The following CDH18 variants were observed in gnomAD, a reference collection of about 807,000 sequenced individuals.
CDH18 encodes cadherin-18.
Under a neutral mutation model 67.9 loss-of-function variants are expected in CDH18, and 31 were observed. That is an observed-to-expected ratio of 0.46 (90% CI 0.34 to 0.62). CDH18 has a LOEUF of 0.62. Ranked by LOEUF, CDH18 falls within the 20% of genes least tolerant of loss-of-function variation. CDH18 has a pLI of 0.01. For missense variants in CDH18, 890 were observed against 975.5 expected, an observed-to-expected ratio of 0.91 and a Z score of 1.17; for synonymous variants, 362 against 347.2, an observed-to-expected ratio of 1.04 and a Z score of -0.48.
chr5:19,805,359 C>T (rs903376515), intron 3 of CDH18, among the ~76,000 whole-genome samples: 8 of 152,158 alleles, frequency 5.3e-5, no homozygotes, highest in East Asian at 1.9e-4. Flanking sequence ...CTTGATTCTA[C>T]GCCCTCTGCA....
intron 1 of CDH18, among the ~76,000 whole-genome samples, chr5:20,306,878 AT>A (rs1736508850): frequency 2.0e-5 from 1 of 50,964 alleles, no homozygotes; most frequent in Admixed American, 1.5e-4. Context: ...ACATGTGATA[AT>A]TTATTATGGT....
chr5:19,606,761 G>A (rs1748109698), intron 6 of CDH18, among the ~76,000 whole-genome samples: 2 of 151,656 alleles, frequency 1.3e-5, no homozygotes, highest in Admixed American at 6.6e-5. Context: ...AAATGAGGTC[G>A]AAGAAATACT....
intron 1 of CDH18, among the ~76,000 whole-genome samples, chr5:20,324,180 G>A (rs1010430163): frequency 6.6e-6 from 1 of 152,198 alleles, no homozygotes; most frequent in African/African-American, 2.4e-5. Context: ...TCAGTGTGCA[G>A]TTGTGGATTT....
chr5:20,127,208 CTCTT>C (rs1333301806), intron 2 of CDH18, among the ~76,000 whole-genome samples: 17 of 152,124 alleles, frequency 1.1e-4, no homozygotes, highest in Non-Finnish European at 1.5e-4. Context: ...TCCCCCTTTT[CTCTT>C]TCTCTCTCTC....
intron 2 of CDH18, among the ~76,000 whole-genome samples, chr5:20,170,930 T>G (rs1489346420): frequency 6.6e-6 from 1 of 152,074 alleles, no homozygotes; most frequent in Non-Finnish European, 1.5e-5. Context: ...ATCATTTAGC[T>G]CCCACTTATA....
At chr5:19,662,637 C>T (rs1018707635) in intron 5 of CDH18, among the ~76,000 whole-genome samples, 1 of 151,962 alleles carries the variant, frequency 6.6e-6, no homozygotes, top group Admixed American at 6.6e-5. Flanking sequence ...TAATAACAAT[C>T]TGATGAGCCA....
At chr5:20,513,599 A>G (rs976627950) in intron 1 of CDH18, among the ~76,000 whole-genome samples, 7 of 152,176 alleles carry the variant, frequency 4.6e-5, no homozygotes, top group Admixed American at 1.3e-4. Context: ...ACATGTAGGC[A>G]GAAATGTCCA....
In CDH18 at chr5:20,455,147, A is replaced by T. The variant is rs897096392; in HGVS notation, c.-580+120315T>A. Among the ~76,000 whole-genome samples, 10 of 152,190 alleles carry T rather than the reference A, an allele frequency of 6.6e-5. No homozygotes were observed. In the East Asian group the frequency reaches 1.9e-3, roughly 29 times the overall value. On this transcript the variant is annotated intron_variant, in intron 1 of 14. Coordinates refer to the CDH18 transcript ENST00000507958. ...ATGACTGGCTCATGGTAGGCTCAAT[A>T]AATATCCAGTGTCATAATTGAATCA...
intron 5 of CDH18, among the ~76,000 whole-genome samples, chr5:19,690,866 A>C (rs903232982): frequency 2.0e-5 from 3 of 151,746 alleles, no homozygotes; most frequent in African/African-American, 7.2e-5. Flanking sequence ...ACAACATCAA[A>C]ATTCCTCAAA....
chr5:19,689,631 A>C (rs1312360321), intron 5 of CDH18, among the ~76,000 whole-genome samples: 1 of 151,976 alleles, frequency 6.6e-6, no homozygotes, highest in Non-Finnish European at 1.5e-5. Flanking sequence ...AATGAGGAAG[A>C]GAAAGAACTC....
At chr5:19,581,509 G>T (rs1028774215) in intron 7 of CDH18, among the ~76,000 whole-genome samples, 4 of 151,872 alleles carry the variant, frequency 2.6e-5, no homozygotes, top group Non-Finnish European at 5.9e-5. Context: ...TATTGAAAAT[G>T]CTGTTTAGCC....
chr5:20,008,036 G>T (rs572680213), intron 2 of CDH18, among the ~76,000 whole-genome samples: 1 of 151,978 alleles, frequency 6.6e-6, no homozygotes, highest in South Asian at 2.1e-4. Context: ...ACATATTCTG[G>T]GAGTTTCTCA....
At chr5:20,388,133 G>C (rs1320221830) in intron 1 of CDH18, among the ~76,000 whole-genome samples, 2 of 152,188 alleles carry the variant, frequency 1.3e-5, no homozygotes, top group Non-Finnish European at 2.9e-5. Context: ...AATAGTGTCA[G>C]AAGGAATGGC....
rs760777430 is a variant in CDH18, at chr5:19,994,855, T to TATAGAGAGAGAGAGAGAGAGAGAGAG, written c.-517-2842_-517-2841insCTCTCTCTCTCTCTCTCTCTCTCTAT. Among the ~76,000 whole-genome samples, 13 of 67,586 alleles carry TATAGAGAGAGAGAGAGAGAGAGAGAG rather than the reference T, an allele frequency of 1.9e-4. 4 individuals are homozygous for TATAGAGAGAGAGAGAGAGAGAGAGAG. Among genetic ancestry groups the TATAGAGAGAGAGAGAGAGAGAGAGAG allele is most frequent in the African/African-American group, 4.4e-4 (6 of 13,586 alleles). 44.3% of individuals were successfully genotyped at this position (67,586 alleles called of 152,430 possible). On this transcript the variant is annotated intron_variant, in intron 2 of 14. Transcript: ENST00000507958. ...ATATATATATATATATATATATATATAGAGAGAGAGAGAGAGAGAGAGATG... is the reference window on the plus strand; with the variant it reads ...ATATATATATATATATATATATATATATAGAGAGAGAGAGAGAGAGAGAGAGAGAGAGAGAGAGAGAGAGAGAGATG...
intron 1 of CDH18, among the ~76,000 whole-genome samples, chr5:20,272,686 C>T (rs531184029): frequency 7.6e-4 from 116 of 152,058 alleles, no homozygotes; most frequent in Admixed American, 1.6e-3. Flanking sequence ...ACAAATAGCA[C>T]TAGCTCTGTT....
intron 1 of CDH18, among the ~76,000 whole-genome samples, chr5:20,428,018 G>T (rs111850192): frequency 0.047 from 7,030 of 150,758 alleles, 934 homozygotes; most frequent in African/African-American, 0.17. Context: ...ATGGTGGTTT[G>T]CTACACCTAT....
At chr5:20,540,922 A>C (rs1581172755) in intron 1 of CDH18, among the ~76,000 whole-genome samples, 1 of 152,294 alleles carries the variant, frequency 6.6e-6, no homozygotes, top group African/African-American at 2.4e-5. Context: ...TATATTGCCC[A>C]CTAGAGCCTC....
At chr5:19,725,068 A>G (rs1218600224) in intron 4 of CDH18, among the ~76,000 whole-genome samples, 1 of 151,864 alleles carries the variant, frequency 6.6e-6, no homozygotes, top group African/African-American at 2.4e-5. Flanking sequence ...CTGGGACTAC[A>G]GGCGCCCGCC....
intron 2 of CDH18, among the ~76,000 whole-genome samples, chr5:20,245,753 G>A (rs1186227206): frequency 6.6e-6 from 1 of 152,022 alleles, no homozygotes; most frequent in Non-Finnish European, 1.5e-5. Flanking sequence ...AACCTGTAGA[G>A]CACTATTGTA....
Sources: gnomAD v4.1 joint callset for allele counts (sites outside exome capture counted in the v4.1 genomes callset) on GRCh38, gnomAD v4.1.1 for gene constraint, MANE v1.5 for transcripts, NCBI Gene and HGNC (gene_info 2026-07-23, HGNC 2026-07-21) for gene names.